The following CNTN6 variants were observed in gnomAD, a reference collection of about 807,000 sequenced individuals.
CNTN6 encodes contactin 6, also known as contactin-6.
A neutral mutation model predicts 122.8 loss-of-function variants in CNTN6; 137 were observed. The ratio of observed to expected loss-of-function variants is 1.12; its 90% CI spans 0.97 to 1.29. The LOEUF (loss-of-function observed/expected upper bound fraction) is 1.29, where lower values mean the gene tolerates loss of function less well. Ranked by LOEUF, CNTN6 falls within the 50% of genes most tolerant of loss-of-function variation. The pLI, the probability that CNTN6 is intolerant of heterozygous loss-of-function variation, is 0.00. For missense variants in CNTN6, 1,634 were observed against 1,223.4 expected, an observed-to-expected ratio of 1.34 and a Z score of -5.01; for synonymous variants, 570 against 426.0, an observed-to-expected ratio of 1.34 and a Z score of -4.16.
chr3:1,261,274 G>A (rs1235427382), intron 4 of CNTN6, among the ~76,000 whole-genome samples: 1 of 152,132 alleles, frequency 6.6e-6, no homozygotes, highest in African/African-American at 2.4e-5. Flanking sequence ...TATTTAGGTG[G>A]TATTCTCAGA....
rs371124152 is a variant in CNTN6 at position 1,170,539 on chromosome 3, C to G, written c.55+22476C>G. Among the ~76,000 whole-genome samples the G allele has an allele frequency of 1.6e-4, 25 of 152,246 alleles. No individual in the cohort carries two copies. In the East Asian group the frequency reaches 4.4e-3, roughly 27 times the overall value. On this transcript the variant is annotated intron_variant, in intron 2 of 22. Transcript: ENST00000446702. Reference sequence around the variant, plus strand: ...ACTGATATCCCAGGAAGATAGAGAACTTAACATAAATAAGAATAACCAAAG... The same window carrying G: ...ACTGATATCCCAGGAAGATAGAGAAGTTAACATAAATAAGAATAACCAAAG...
rs1341231265 is a variant in CNTN6, at chr3:1,243,500, A to T, written c.358+15507A>T. 2.0e-5 allele frequency among the ~76,000 whole-genome samples: 3 copies of T among 152,066 alleles called. No homozygotes were observed. In the East Asian group the frequency reaches 5.8e-4, roughly 30 times the overall value. The stretch of plus-strand genomic sequence containing the variant: ...GAGTTTTATTTAATGTCGGGAGCAG[A>T]TTGCGTAATAAAATGTATTTTGAGA... On this transcript the variant is annotated intron_variant, in intron 4 of 22. Transcript: ENST00000446702.
intron 7 of CNTN6, among the ~76,000 whole-genome samples, chr3:1,298,732 G>C (rs908364863): frequency 1.3e-5 from 2 of 152,136 alleles, no homozygotes; most frequent in African/African-American, 2.4e-5. Context: ...TGGGGACATG[G>C]TTAAATTCAT....
chr3:1,395,212 A>G (rs1475114969), intron 20 of CNTN6, among the ~76,000 whole-genome samples: 1 of 152,204 alleles, frequency 6.6e-6, no homozygotes, highest in African/African-American at 2.4e-5. Flanking sequence ...TCTACATCAC[A>G]GACATTGTGA....
At chr3:1,122,604 C>T (rs1209283886) in intron 1 of CNTN6, among the ~76,000 whole-genome samples, 1 of 151,782 alleles carries the variant, frequency 6.6e-6, no homozygotes, top group Non-Finnish European at 1.5e-5. Context: ...TCCCCATTTT[C>T]TCCCTTTCAC....
rs573700189 is a variant in CNTN6, at chr3:1,296,459, A to G, written c.658+655A>G. On this transcript the variant is annotated intron_variant, in intron 6 of 22. Transcript: ENST00000446702. ...CCAGAAAGTTTAAGGAAGTCATTGA[A>G]GTGGAGAAATTCTCTAGTTGTTTTT... Among the ~76,000 whole-genome samples the G allele has an allele frequency of 2.0e-5, 3 of 152,288 alleles. No homozygotes were observed. The South Asian group carries it at 6.2e-4, about 32-fold the overall frequency.
intron 12 of CNTN6, among the ~76,000 whole-genome samples, chr3:1,357,031 G>T (rs1456477518): frequency 6.6e-6 from 1 of 151,792 alleles, no homozygotes. Flanking sequence ...TTTTTAAAAT[G>T]CAGCATATGT....
chr3:1,126,299 A>G (rs1402750773), intron 1 of CNTN6, among the ~76,000 whole-genome samples: 1 of 151,864 alleles, frequency 6.6e-6, no homozygotes, highest in Non-Finnish European at 1.5e-5. Flanking sequence ...CTAATTATAA[A>G]TGTTTATTAA....
chr3:1,213,644 G>T (rs1361932003), intron 2 of CNTN6, among the ~76,000 whole-genome samples: 1 of 151,678 alleles, frequency 6.6e-6, no homozygotes, highest in Non-Finnish European at 1.5e-5. Flanking sequence ...ATACAGAAAA[G>T]ATATACTGTA....
At chr3:1,401,573 TATCA>T in intron 21 of CNTN6, 28 bp downstream of exon 21, 1 of 1,483,140 alleles carries the variant, frequency 6.7e-7, no homozygotes, top group Non-Finnish European at 9.3e-7. Context: ...CCTTTAATCA[TATCA>T]ATTAAGTTAC....
rs1331530502 is a variant in CNTN6 at position 1,297,972 on chromosome 3, G to C, written c.742G>C (p.Glu248Gln). Residue 248 changes from glutamate to glutamine, a missense_variant, in exon 7 of 23, where the codon GAA becomes CAA. Coordinates refer to ENST00000446702, the MANE Select transcript of CNTN6 (RefSeq NM_001289080.2). Reference sequence around the variant, plus strand: ...TGCAAAGGATTCATCTGTAAAACTGGAATGTTTTGCCCTTGGAAAGTAAGG... The same window carrying C: ...TGCAAAGGATTCATCTGTAAAACTGCAATGTTTTGCCCTTGGAAAGTAAGG... ...QAAKDSSVKL[E>Q]CFALGNPVPD... is the part of the protein sequence containing the mutation. 17 of 1,609,144 alleles carry C rather than the reference G, an allele frequency of 1.1e-5. No individual in the cohort carries two copies. The highest frequency in any genetic ancestry group is 1.4e-5 in the Non-Finnish European group (16 of 1,178,438).
intron 1 of CNTN6, among the ~76,000 whole-genome samples, chr3:1,096,079 A>G (rs1367124688): frequency 3.9e-5 from 6 of 152,172 alleles, no homozygotes; most frequent in East Asian, 1.9e-4. Flanking sequence ...AAGATACGTT[A>G]TCTTTCTTGG....
intron 2 of CNTN6, among the ~76,000 whole-genome samples, chr3:1,149,677 T>G (rs993470113): frequency 1.3e-5 from 2 of 152,162 alleles, no homozygotes; most frequent in African/African-American, 2.4e-5. Context: ...GGTTAAATAA[T>G]AGTGTATTCT....
At chr3:1,332,534 G>A (rs1702462472) in intron 11 of CNTN6, among the ~76,000 whole-genome samples, 1 of 142,526 alleles carries the variant, frequency 7.0e-6, no homozygotes, top group Non-Finnish European at 1.6e-5. Flanking sequence ...AAGGAAGGAG[G>A]GAGGGAAGGA....
intron 1 of CNTN6, among the ~76,000 whole-genome samples, chr3:1,119,721 A>G (rs1422355741): frequency 1.3e-5 from 2 of 151,918 alleles, no homozygotes; most frequent in Non-Finnish European, 2.9e-5. Context: ...ATTGTCATTG[A>G]CTTTATTAAG....
chr3:1,242,083 C>T (rs547586271), intron 4 of CNTN6, among the ~76,000 whole-genome samples: 3 of 152,108 alleles, frequency 2.0e-5, no homozygotes, highest in South Asian at 2.1e-4. Context: ...AGGGAAAGCA[C>T]GTGTGTTTTT....
At chr3:1,107,173 A>G (rs1574866044) in intron 1 of CNTN6, among the ~76,000 whole-genome samples, 1 of 152,246 alleles carries the variant, frequency 6.6e-6, no homozygotes, top group East Asian at 1.9e-4. Flanking sequence ...TAGCCTAGTC[A>G]AGTTGACACA....
chr3:1,236,292 C>T (rs1158329917), intron 4 of CNTN6, among the ~76,000 whole-genome samples: 1 of 152,108 alleles, frequency 6.6e-6, no homozygotes, highest in Non-Finnish European at 1.5e-5. Flanking sequence ...ACAAAACCAG[C>T]GCTAAACAAA....
intron 1 of CNTN6, among the ~76,000 whole-genome samples, chr3:1,098,696 C>T (rs1172856337): frequency 1.4e-5 from 2 of 147,544 alleles, no homozygotes; most frequent in African/African-American, 5.0e-5. Context: ...TTCCTATTTT[C>T]ACACTTTCAC....
Sources: allele counts gnomAD v4.1 joint callset (sites outside exome capture counted in the v4.1 genomes callset), GRCh38; gene constraint gnomAD v4.1.1; transcripts MANE v1.5; gene names NCBI Gene and HGNC (gene_info 2026-07-23, HGNC 2026-07-21).